The following COL17A1 variants were observed in gnomAD, a reference collection of about 807,000 sequenced individuals.
COL17A1 encodes the protein collagen alpha-1(XVII) chain.
COL17A1 carries 181 observed loss-of-function variants against 218.4 expected under a neutral mutation model. The observed-to-expected ratio is 0.83, with a 90% CI of 0.73 to 0.94. COL17A1 has a LOEUF of 0.94. Among genes scored for constraint, COL17A1 ranks in the 40% least tolerant of loss-of-function variants. The probability of loss-of-function intolerance (pLI) is 0.00; values close to 1 mark genes in which losing one functional copy is unlikely to be tolerated. For synonymous variants in COL17A1, 721 were observed against 731.0 expected, an observed-to-expected ratio of 0.99 and a Z score of 0.22; for missense variants, 1,924 against 1,945.9, an observed-to-expected ratio of 0.99 and a Z score of 0.21.
rs117927032 is a variant in COL17A1, at chr10:104,053,735, C to T, written c.1834+185G>A. On this transcript the variant is annotated intron_variant, in intron 22 of 55. Transcript: ENST00000648076. ...AACTGCTATAGACTTCACTATTTCT[C>T]ACAGTTACTGTCTTTCTCCCAAACC... 0.015 allele frequency among the ~76,000 whole-genome samples: 2,272 copies of T among 152,232 alleles called. 52 individuals carry two copies. Among genetic ancestry groups the T allele is most frequent in the Non-Finnish European group, 0.016 (1,081 of 68,020 alleles).
At chr10:104,038,887 C>A (rs896745863) in intron 44 of COL17A1, among the ~76,000 whole-genome samples, 184 bp downstream of exon 44, 3 of 152,180 alleles carry the variant, frequency 2.0e-5, no homozygotes, top group African/African-American at 7.2e-5. Context: ...CTGGGTCCTT[C>A]CCCTCAACCC....
intron 11 of COL17A1, 54 bp from the exon 12 acceptor site, chr10:104,062,383 G>C (rs988934094): frequency 4.3e-6 from 7 of 1,612,762 alleles, no homozygotes; most frequent in Admixed American, 1.7e-5. Context: ...GATGCCCCCT[G>C]GCTTAGGACG....
intron 48 of COL17A1, among the ~76,000 whole-genome samples, chr10:104,036,105 A>AGTGTGAGTATGG (rs2086291315): frequency 8.5e-3 from 7 of 828 alleles, no homozygotes; most frequent in South Asian, 0.071. Flanking sequence ...TGTGTATGGG[A>AGTGTGAGTATGG]GTGTGTGTGT....
intron 36 of COL17A1, among the ~76,000 whole-genome samples, chr10:104,042,056 G>T (rs1370638731): frequency 1.3e-5 from 2 of 152,170 alleles, no homozygotes; most frequent in South Asian, 2.1e-4. Context: ...CAGGTGGGAG[G>T]CCCGGCAGTC....
intron 8 of COL17A1, among the ~76,000 whole-genome samples, chr10:104,071,267 G>A (rs370782190): frequency 2.0e-5 from 3 of 151,986 alleles, no homozygotes; most frequent in South Asian, 2.1e-4. Flanking sequence ...AACTCCCTTC[G>A]CCTCACCACC....
At chr10:104,041,893 C>T (rs146897014) in intron 36 of COL17A1, among the ~76,000 whole-genome samples, 1 of 70,104 alleles carries the variant, frequency 1.4e-5, no homozygotes, top group Non-Finnish European at 4.5e-5. Context: ...TCAGTTTCCT[C>T]CTCTGTAAAC....
At chr10:104,082,735 A>G (rs1354870301) in intron 1 of COL17A1, among the ~76,000 whole-genome samples, 1 of 152,236 alleles carries the variant, frequency 6.6e-6, no homozygotes, top group Non-Finnish European at 1.5e-5. Context: ...TACAGTCTCC[A>G]GGCAGCAAAC....
chr10:104,038,985 T>C (rs2086330655), intron 44 of COL17A1, 86 bp downstream of exon 44: 1 of 1,385,314 alleles, frequency 7.2e-7, no homozygotes, highest in Non-Finnish European at 1.0e-6. Context: ...GAGAAATGAA[T>C]GAACGAATAG....
intron 48 of COL17A1, among the ~76,000 whole-genome samples, chr10:104,036,082 GT>G (rs2086289564): frequency 3.3e-5 from 4 of 122,446 alleles, no homozygotes; most frequent in Non-Finnish European, 5.3e-5. Flanking sequence ...ATGGGAGTGT[GT>G]ATGGGAGTGT....
rs1306358632 is a variant in COL17A1 at position 104,053,084 on chromosome 10, A to G, written c.1886T>C (p.Met629Thr). 4 of 1,613,848 alleles carry G rather than the reference A, an allele frequency of 2.5e-6. No homozygotes were observed. Among genetic ancestry groups the G allele is most frequent in the Non-Finnish European group, 3.4e-6 (4 of 1,180,024 alleles). ...PMGQRGREGP[M>T]GPRGEAGPPG... Reference sequence around the variant, plus strand: ...AGGCCCTGCCTCACCACGAGGTCCCATGGGGCCTTCTCGCCCTCTCTGGCC... The same window carrying G: ...AGGCCCTGCCTCACCACGAGGTCCCGTGGGGCCTTCTCGCCCTCTCTGGCC... The change falls in exon 23 of 56, where the codon ATG becomes ACG. Residue 629 changes from methionine (M) to threonine (T), a missense_variant. Transcript: ENST00000648076.
At chr10:104,054,187 T>C in intron 20 of COL17A1, 69 bp from the exon 21 acceptor site, 1 of 1,531,918 alleles carries the variant, frequency 6.5e-7, no homozygotes, top group Middle Eastern at 2.1e-4. Context: ...AAGCAGTCAC[T>C]AGTGGGATTC....
Position 104,036,616 on chromosome 10 carries a change from C to A in COL17A1, c.3294G>T (p.Gln1098His). The part of the protein sequence containing the change: ...LAVLQRDDVR[Q>H]YLRQYLMGPR... ...GGCCCATCAAGTACTGACGTAGGTA[C>A]TGACGCACGTCATCCCCTGGAGAGG... Residue 1098 changes from glutamine (Q) to histidine (H), a missense_variant, in exon 48 of 56, where the codon CAG becomes CAT. Gln to His is a conservative substitution (Grantham distance 24). Transcript: ENST00000648076. The A allele has an allele frequency of 6.2e-7, 1 of 1,613,940 alleles. No homozygotes were observed. Among genetic ancestry groups the A allele is most frequent in the Non-Finnish European group, 8.5e-7 (1 of 1,179,904 alleles).
chr10:104,033,578 CTTG>C, intron 52 of COL17A1, among the ~76,000 whole-genome samples: 1 of 152,226 alleles, frequency 6.6e-6, no homozygotes. Context: ...GCATCAAAAG[CTTG>C]TTGACTGCGT....
chr10:104,048,169 CTGTCCCAGTGGCCTTGAAGCACATTG>C, intron 29 of COL17A1, 65 bp from the exon 30 acceptor site: 1 of 1,569,176 alleles, frequency 6.4e-7, no homozygotes, highest in Non-Finnish European at 8.8e-7. Flanking sequence ...CCTCCCTCTA[CTGTCCCAGTGGCCTTGAAGCACATTG>C]TGTCCCAGGA....
rs61861301 is a variant in COL17A1 at position 104,059,020 on chromosome 10, A to G, written c.1222+618T>C. Among the ~76,000 whole-genome samples, 985 of 152,304 alleles carry G rather than the reference A, an allele frequency of 6.5e-3. 10 individuals carry two copies. Among genetic ancestry groups the G allele is most frequent in the Admixed American group, 0.012 (178 of 15,290 alleles). Reference sequence around the variant, plus strand: ...ACTCGGCAATTTGTTCATACCTTTCATCAGATTCTGAAAAGGATCTTTTGA... The same window carrying G: ...ACTCGGCAATTTGTTCATACCTTTCGTCAGATTCTGAAAAGGATCTTTTGA... On this transcript the variant is annotated intron_variant, in intron 15 of 55. Coordinates refer to ENST00000648076, the MANE Select transcript of COL17A1 (RefSeq NM_000494.4).
At chr10:104,076,565 A>G (rs1589578080) in intron 4 of COL17A1, 136 bp from the exon 5 acceptor site, 1 of 1,135,192 alleles carries the variant, frequency 8.8e-7, no homozygotes. Context: ...GGGCCACCTC[A>G]GCATTCCCCC....
chr10:104,066,661 A>C (rs9971100), intron 9 of COL17A1, among the ~76,000 whole-genome samples: 28,267 of 152,080 alleles, frequency 0.19, 2,700 homozygotes, highest in South Asian at 0.21. Flanking sequence ...TACATCTCAC[A>C]AAGTAGAGGA....
In COL17A1 at chr10:104,034,353, C is replaced by T. The variant is rs936464293; in HGVS notation, c.3767-19G>A. ...TCAGGACCTGCAGGGTGAGAAGCTG[C>T]ATGAGTGGGAGCTCAGATCTCGGTG... On this transcript the variant is annotated intron_variant, in intron 51 of 55. Transcript: ENST00000648076. The T allele has an allele frequency of 1.3e-6, 2 of 1,541,262 alleles. No individual in the cohort carries two copies. The highest frequency in any genetic ancestry group is 1.7e-6 in the Non-Finnish European group (2 of 1,150,220).
At chr10:104,033,663 C>T (rs1333486515) in intron 52 of COL17A1, among the ~76,000 whole-genome samples, 1 of 152,202 alleles carries the variant, frequency 6.6e-6, no homozygotes, top group African/African-American at 2.4e-5. Flanking sequence ...GCAGAAAATC[C>T]AGCATGGTCA....
Sources: gnomAD v4.1 joint callset for allele counts (sites outside exome capture counted in the v4.1 genomes callset) on GRCh38, gnomAD v4.1.1 for gene constraint, MANE v1.5 for transcripts, NCBI Gene and HGNC (gene_info 2026-07-23, HGNC 2026-07-21) for gene names.